TMOD3: variants seen among roughly 807,000 people sequenced by gnomAD.
The protein encoded by TMOD3 is tropomodulin-3.
TMOD3 carries 20 observed loss-of-function variants against 39.2 expected under a neutral mutation model. That is an observed-to-expected ratio of 0.51 (90% CI 0.36 to 0.74). The LOEUF is 0.74. TMOD3 is among the 30% of genes least tolerant of loss of function. The probability of loss-of-function intolerance (pLI) is 0.00; values close to 1 mark genes in which losing one functional copy is unlikely to be tolerated. For missense variants in TMOD3, 381 were observed against 412.8 expected, an observed-to-expected ratio of 0.92 and a Z score of 0.67; for synonymous variants, 143 against 145.8, an observed-to-expected ratio of 0.98 and a Z score of 0.14.
chr15:51,885,730 T>C (rs1595905545), intron 3 of TMOD3, among the ~76,000 whole-genome samples: 1 of 152,332 alleles, frequency 6.6e-6, no homozygotes, highest in South Asian at 2.1e-4. Context: ...CTCCTTCTTT[T>C]CCCCACATTT....
intron 1 of TMOD3, among the ~76,000 whole-genome samples, chr15:51,850,668 T>C (rs917208828): frequency 1.3e-5 from 2 of 152,190 alleles, no homozygotes; most frequent in African/African-American, 2.4e-5. Context: ...AGTCAGTTCA[T>C]GTATTTTTTC....
chr15:51,829,688 G>T lies in TMOD3; in HGVS notation c.-223G>T, dbSNP rs575038503. Reference sequence around the variant, plus strand: ...CCCACCGCACCTACAGGGCGGTCGAGTGAGGGAGCTGCTGGCGGGTGGGTC... The same window carrying T: ...CCCACCGCACCTACAGGGCGGTCGATTGAGGGAGCTGCTGGCGGGTGGGTC... On this transcript the variant is annotated 5_prime_UTR_variant, in exon 1 of 10. Transcript: ENST00000308580. 6.6e-6 allele frequency: 1 copy of T among 152,376 alleles called. No individual in the cohort carries two copies. The highest frequency in any genetic ancestry group is 2.4e-5 in the African/African-American group (1 of 41,474). The allele number at this position is 152,376 out of a possible 1,614,324, so 9.4% of individuals were successfully genotyped here. A position where few individuals can be genotyped will look rare whatever the true frequency, so the allele number is the denominator to read the frequency against.
intron 7 of TMOD3, among the ~76,000 whole-genome samples, chr15:51,898,664 GT>G (rs1234716231): frequency 2.6e-5 from 4 of 152,314 alleles, no homozygotes; most frequent in African/African-American, 7.2e-5. Flanking sequence ...ACCAGCCACA[GT>G]TTTTTTAGTA....
At chr15:51,892,220 C>T (rs1283388847) in intron 5 of TMOD3, 2 of 152,168 alleles carry the variant, frequency 1.3e-5, no homozygotes, top group Non-Finnish European at 2.9e-5. Context: ...CATTTTGAAC[C>T]CGGTCAGTCT....
chr15:51,856,605 CA>C (rs2056388894), intron 1 of TMOD3, among the ~76,000 whole-genome samples: 1 of 73,636 alleles, frequency 1.4e-5, no homozygotes, highest in African/African-American at 1.4e-4. Context: ...ATATTAAGGG[CA>C]TTTTTTTTTT....
At chr15:51,883,006 C>T (rs925649270) in intron 3 of TMOD3, among the ~76,000 whole-genome samples, 2 of 152,088 alleles carry the variant, frequency 1.3e-5, no homozygotes, top group African/African-American at 4.8e-5. Context: ...TAAAAGATAA[C>T]TTATTACAGT....
At chr15:51,849,682 G>A (rs1312437270) in intron 1 of TMOD3, among the ~76,000 whole-genome samples, 1 of 152,170 alleles carries the variant, frequency 6.6e-6, no homozygotes, top group Admixed American at 6.5e-5. Flanking sequence ...TGTAATCCCA[G>A]CACTTTGGGA....
At chr15:51,870,079 C>T (rs2056467542) in intron 3 of TMOD3, among the ~76,000 whole-genome samples, 2 of 152,252 alleles carry the variant, frequency 1.3e-5, no homozygotes, top group African/African-American at 4.8e-5. Context: ...GCTGGGATTA[C>T]AGGTGCACAC....
Position 51,900,208 on chromosome 15 carries a change from G to A in TMOD3, c.789G>A (p.Glu263=). ...AAACTTTGAAGAGCTTAAATGTGGAGTCCAACTTTATCACGGGAGTTGGGA... is the reference window on the plus strand; with the variant it reads ...AAACTTTGAAGAGCTTAAATGTGGAATCCAACTTTATCACGGGAGTTGGGA... ...VNKTLKSLNV[E]SNFITGVGIL... The change falls in exon 8 of 10, where the codon GAG becomes GAA. Residue 263 remains glutamate (E), a synonymous_variant. Coordinates refer to ENST00000308580, the MANE Select transcript of TMOD3 (RefSeq NM_014547.5). 6.2e-7 allele frequency: 1 copy of A among 1,614,218 alleles called. No individual in the cohort carries two copies. The highest frequency in any genetic ancestry group is 8.5e-7 in the Non-Finnish European group (1 of 1,180,040).
rs1555387924 is a variant in TMOD3, at chr15:51,891,260, T to TTC, written c.496+2115_496+2116insTC. 6.8e-4 allele frequency among the ~76,000 whole-genome samples: 103 copies of TTC among 150,790 alleles called. No homozygotes were observed. The Middle Eastern group carries it at 0.014, about 20-fold the overall frequency. ...ACCTCTTTCCTTTTTTTTTTTTTTT[T>TTC]CTGTGCCATTTATTTTTTAAGAAAC... On this transcript the variant is annotated intron_variant, in intron 5 of 9. Transcript: ENST00000308580.
chr15:51,832,416 G>A (rs949365979), intron 1 of TMOD3, among the ~76,000 whole-genome samples: 2 of 151,486 alleles, frequency 1.3e-5, no homozygotes, highest in African/African-American at 4.9e-5. Flanking sequence ...TCCATTCACT[G>A]GTCATCTCTT....
chr15:51,870,634 G>A (rs1181138623), intron 3 of TMOD3, among the ~76,000 whole-genome samples: 2 of 152,182 alleles, frequency 1.3e-5, no homozygotes, highest in East Asian at 1.9e-4. Context: ...TGGCTATTGA[G>A]TAGGTAAGCC....
At chr15:51,883,328 G>A (rs569789090) in intron 3 of TMOD3, among the ~76,000 whole-genome samples, 57 of 152,160 alleles carry the variant, frequency 3.7e-4, no homozygotes, top group African/African-American at 1.2e-3. Flanking sequence ...AATTAGGTAC[G>A]AATAATGCCT....
At chr15:51,871,227 T>G (rs2056473176) in intron 3 of TMOD3, among the ~76,000 whole-genome samples, 1 of 152,052 alleles carries the variant, frequency 6.6e-6, no homozygotes, top group Admixed American at 6.5e-5. Flanking sequence ...AATGCAGAGT[T>G]TTGAAGTGTG....
rs1323420853 is a variant in TMOD3 at position 51,914,258 on chromosome 15, C to G, written c.*5448C>G. On this transcript the variant is annotated 3_prime_UTR_variant, in exon 10 of 10. Transcript: ENST00000308580. ...TTTGATCATGCCACTGCATTCCAGC[C>G]TGGGTAACAAGAGTGAGACTGTCTC... The G allele has an allele frequency of 1.3e-5, 2 of 152,074 alleles. No individual in the cohort carries two copies. The highest frequency in any genetic ancestry group is 2.9e-5 in the Non-Finnish European group (2 of 68,074). The allele number at this position is 152,074 out of a possible 1,614,324, so 9.4% of individuals were successfully genotyped here. A position where few individuals can be genotyped will look rare whatever the true frequency, so the allele number is the denominator to read the frequency against.
intron 1 of TMOD3, among the ~76,000 whole-genome samples, chr15:51,839,442 AT>A (rs1278843712): frequency 2.0e-5 from 3 of 152,084 alleles, no homozygotes; most frequent in Non-Finnish European, 4.4e-5. Context: ...AATTGCTGGG[AT>A]TACAGAGGTG....
At chr15:51,861,612 A>G (rs1222328133) in intron 1 of TMOD3, among the ~76,000 whole-genome samples, 1 of 152,114 alleles carries the variant, frequency 6.6e-6, no homozygotes, top group African/African-American at 2.4e-5. Flanking sequence ...AAACGTAACC[A>G]AATCACTAAG....
At chr15:51,885,779 G>C (rs1026157608) in intron 3 of TMOD3, among the ~76,000 whole-genome samples, 1 of 152,214 alleles carries the variant, frequency 6.6e-6, no homozygotes, top group Non-Finnish European at 1.5e-5. Context: ...TCGTCATCAT[G>C]GCCCGTTCTC....
chr15:51,859,602 G>A, intron 1 of TMOD3: 1 of 574,838 alleles, frequency 1.7e-6, no homozygotes. Context: ...CTTAAAGATT[G>A]CCTCGGTGTC....
Sources: allele counts gnomAD v4.1 joint callset (sites outside exome capture counted in the v4.1 genomes callset), GRCh38; gene constraint gnomAD v4.1.1; transcripts MANE v1.5; gene names NCBI Gene and HGNC (gene_info 2026-07-23, HGNC 2026-07-21).